EVC2: variants seen among roughly 807,000 people sequenced by gnomAD.
EVC2 encodes the protein EvC ciliary complex subunit 2.
A neutral mutation model predicts 149.3 loss-of-function variants in EVC2; 148 were observed. The observed-to-expected ratio is 0.99, with a 90% CI of 0.87 to 1.14. EVC2 has a LOEUF of 1.14. Ranked by LOEUF, EVC2 falls within the 50% of genes most tolerant of loss-of-function variation. The pLI, the probability that EVC2 is intolerant of heterozygous loss-of-function variation, is 0.00. For synonymous variants in EVC2, 776 were observed against 649.9 expected, an observed-to-expected ratio of 1.19 and a Z score of -2.95; for missense variants, 1,854 against 1,627.3, an observed-to-expected ratio of 1.14 and a Z score of -2.40.
chr4:5,661,718 A>G (rs1362717918), intron 9 of EVC2, among the ~76,000 whole-genome samples: 3 of 152,260 alleles, frequency 2.0e-5, no homozygotes, highest in African/African-American at 7.2e-5. Context: ...GTTATCTATT[A>G]GACTGTGACC....
intron 16 of EVC2, among the ~76,000 whole-genome samples, chr4:5,599,059 A>C (rs1224459071): frequency 6.6e-6 from 1 of 152,136 alleles, no homozygotes; most frequent in African/African-American, 2.4e-5. Flanking sequence ...ATCATTAAAA[A>C]GTCAGGAAAC....
intron 16 of EVC2, among the ~76,000 whole-genome samples, chr4:5,596,764 A>G (rs565498756): frequency 6.6e-6 from 1 of 152,212 alleles, no homozygotes; most frequent in Non-Finnish European, 1.5e-5. Flanking sequence ...CCCTTCAAAA[A>G]ATCAATGAAT....
At chr4:5,594,628 C>T (rs1335935387) in intron 16 of EVC2, among the ~76,000 whole-genome samples, 1 of 152,148 alleles carries the variant, frequency 6.6e-6, no homozygotes, top group Non-Finnish European at 1.5e-5. Flanking sequence ...GGGGAAAAAA[C>T]AGAGCAGAAA....
intron 17 of EVC2, among the ~76,000 whole-genome samples, chr4:5,581,880 C>T (rs996036653): frequency 1.3e-5 from 2 of 152,236 alleles, no homozygotes; most frequent in Non-Finnish European, 2.9e-5. Flanking sequence ...CTCAAAGGAC[C>T]CCAGGTGCAG....
chr4:5,694,556 G>C lies in EVC2; in HGVS notation c.284-55C>G, dbSNP rs1721343413. ...TAATGCGGAAAGACAGTAAGACATA[G>C]AACTTAACCTCTAGAGACAGACTAC... On this transcript the variant is annotated intron_variant, in intron 2 of 21. Transcript: ENST00000344408. 3.1e-5 allele frequency: 50 copies of C among 1,603,898 alleles called. 2 individuals are homozygous for C. The South Asian group carries it at 3.5e-4, about 11-fold the overall frequency.
intron 17 of EVC2, among the ~76,000 whole-genome samples, chr4:5,582,388 C>T (rs1181699140): frequency 1.3e-5 from 2 of 152,234 alleles, no homozygotes; most frequent in Non-Finnish European, 2.9e-5. Context: ...TGTTTTGGAG[C>T]TTTAAGATTT....
At chr4:5,564,244 G>C in intron 21 of EVC2, among the ~76,000 whole-genome samples, 1 of 152,216 alleles carries the variant, frequency 6.6e-6, no homozygotes, top group East Asian at 1.9e-4. Context: ...GCAGAGCAAA[G>C]GCCCGCAGAG....
intron 11 of EVC2, among the ~76,000 whole-genome samples, chr4:5,629,073 G>A (rs1017895773): frequency 7.2e-5 from 11 of 152,132 alleles, no homozygotes; most frequent in African/African-American, 2.7e-4. Context: ...TACAAGTGCT[G>A]AACACCAGGA....
At chr4:5,604,421 C>T (rs114367695) in intron 16 of EVC2, among the ~76,000 whole-genome samples, 1,690 of 152,212 alleles carry the variant, frequency 0.011, 13 homozygotes, top group Non-Finnish European at 0.016. Context: ...ATTAAAGTTA[C>T]GTCAGTGTTA....
rs575489460 is a variant in EVC2, at chr4:5,601,367, T to C, written c.2829+14055A>G. On this transcript the variant is annotated intron_variant, in intron 16 of 21. Coordinates refer to ENST00000344408, the MANE Select transcript of EVC2 (RefSeq NM_147127.5). Reference sequence around the variant, plus strand: ...AAACAATAAGAGAATGTTTTTTCTTTAGGAAGACAGCATTGGGATGGTGGA... The same window carrying C: ...AAACAATAAGAGAATGTTTTTTCTTCAGGAAGACAGCATTGGGATGGTGGA... 3.1e-4 allele frequency among the ~76,000 whole-genome samples: 47 copies of C among 152,308 alleles called. 1 individual carries two copies. Among genetic ancestry groups the C allele is most frequent in the African/African-American group, 1.1e-3 (47 of 41,562 alleles).
chr4:5,598,925 T>C (rs370830460), intron 16 of EVC2, among the ~76,000 whole-genome samples: 37 of 152,084 alleles, frequency 2.4e-4, no homozygotes, highest in Non-Finnish European at 4.4e-4. Context: ...TGAACAGACA[T>C]TTCTCAAAAG....
At chr4:5,568,689 G>C (rs1012216004) in intron 19 of EVC2, 49 bp from the exon 20 acceptor site, 7 of 1,555,008 alleles carry the variant, frequency 4.5e-6, no homozygotes, top group African/African-American at 2.7e-5. Flanking sequence ...CTCTCAACTT[G>C]AACCATCATT....
intron 15 of EVC2, among the ~76,000 whole-genome samples, chr4:5,616,525 G>A (rs77266174): frequency 0.021 from 3,258 of 152,286 alleles, 92 homozygotes; most frequent in African/African-American, 0.069. Context: ...GGGTGAGAAC[G>A]GCCAAGAGAT....
rs1722031678 is a variant in EVC2 at position 5,562,788 on chromosome 4, G to A, written c.*60C>T. On this transcript the variant is annotated 3_prime_UTR_variant, in exon 22 of 22. Coordinates refer to ENST00000344408, the MANE Select transcript of EVC2 (RefSeq NM_147127.5). This position sits in a 1 kb window ranked among gnomAD's most constrained non-coding sequence, Gnocchi z 4.3. ...GTGCATTATAAACACACAAACACCG[G>A]CGGGCAGGAGAAAATCATCCCTTCT... 3 of 1,608,912 alleles carry A rather than the reference G, an allele frequency of 1.9e-6. No homozygotes were observed. The South Asian group carries it at 3.3e-5, about 18-fold the overall frequency.
At chr4:5,542,475 C>T (rs939661515), downstream of EVC2, among the ~76,000 whole-genome samples, 2 of 152,074 alleles carry the variant, frequency 1.3e-5, no homozygotes, top group African/African-American at 4.8e-5. Context: ...CCTCATTTGC[C>T]AATGCCCACA....
intron 1 of EVC2, among the ~76,000 whole-genome samples, chr4:5,704,901 G>A (rs1168187182): frequency 1.3e-5 from 2 of 151,764 alleles, no homozygotes; most frequent in East Asian, 3.9e-4. Context: ...TAGAGATGGG[G>A]GTCTCACTAT....
intron 5 of EVC2, among the ~76,000 whole-genome samples, chr4:5,688,798 T>C (rs1720900249): frequency 6.6e-6 from 1 of 152,232 alleles, no homozygotes; most frequent in Admixed American, 6.5e-5. Flanking sequence ...GAGTGATGGT[T>C]AATTTTGGTG....
rs1160899828 is a variant in EVC2 at position 5,636,902 on chromosome 4, G to C, written c.1470+3612C>G. ...GAGATGGAATCACTTGCATGGACTG[G>C]AAGGAAACTAGTTCTATTAAATGCT... On this transcript the variant is annotated intron_variant, in intron 10 of 21. Transcript: ENST00000344408. This position sits in a 1 kb window ranked among gnomAD's most constrained non-coding sequence, Gnocchi z 4.6. 6.6e-6 allele frequency among the ~76,000 whole-genome samples: 1 copy of C among 152,206 alleles called. No homozygotes were observed. The highest frequency in any genetic ancestry group is 1.5e-5 in the Non-Finnish European group (1 of 68,032).
chr4:5,706,584 G>C (rs1722215781), intron 1 of EVC2, among the ~76,000 whole-genome samples: 1 of 151,872 alleles, frequency 6.6e-6, no homozygotes, highest in African/African-American at 2.4e-5. Flanking sequence ...CTGTGCTCTG[G>C]GAACAGCCCT....
Sources: allele counts gnomAD v4.1 joint callset (sites outside exome capture counted in the v4.1 genomes callset), GRCh38; gene constraint gnomAD v4.1.1; non-coding constraint Gnocchi (gnomAD v3.1); transcripts MANE v1.5; gene names NCBI Gene and HGNC (gene_info 2026-07-23, HGNC 2026-07-21).